Variants in SEZ6L observed in about 807,000 individuals in gnomAD.
SEZ6L encodes seizure 6-like protein.
A neutral mutation model predicts 106.2 loss-of-function variants in SEZ6L; 37 were observed. The observed-to-expected ratio is 0.35, with a 90% CI of 0.27 to 0.46. The LOEUF is 0.46. Among genes scored for constraint, SEZ6L ranks in the 20% least tolerant of loss-of-function variants. The pLI, the probability that SEZ6L is intolerant of heterozygous loss-of-function variation, is 1.00. For missense variants in SEZ6L, 1,172 were observed against 1,332.8 expected (o/e 0.88, Z 1.88); for synonymous variants, 541 against 570.4 (o/e 0.95, Z 0.73).
At chr22:26,248,494 A>T (rs911108285) in intron 1 of SEZ6L, among the ~76,000 whole-genome samples, 2 of 152,150 alleles carry the variant, frequency 1.3e-5, no homozygotes, top group African/African-American at 4.8e-5. Flanking sequence ...ACCTGGGACC[A>T]CCATGCCCAG....
At chr22:26,319,782 A>G (rs2082104928) in intron 9 of SEZ6L, among the ~76,000 whole-genome samples, 2 of 152,282 alleles carry the variant, frequency 1.3e-5, no homozygotes, top group South Asian at 4.1e-4. Flanking sequence ...TGTCTTATTC[A>G]CTGCCGTAAC....
At chr22:26,299,604 G>T (rs1025045073) in intron 5 of SEZ6L, among the ~76,000 whole-genome samples, 1 of 152,128 alleles carries the variant, frequency 6.6e-6, no homozygotes, top group South Asian at 2.1e-4. Context: ...TTCACTTAGC[G>T]CTTGGCACTG....
chr22:26,195,715 G>A (rs970344349), intron 1 of SEZ6L, among the ~76,000 whole-genome samples: 3 of 152,052 alleles, frequency 2.0e-5, no homozygotes, highest in Admixed American at 6.5e-5. Context: ...TAATATGTGT[G>A]TGTATGTATA....
chr22:26,285,183 A>G (rs939666014), intron 1 of SEZ6L, among the ~76,000 whole-genome samples: 1 of 152,154 alleles, frequency 6.6e-6, no homozygotes, highest in South Asian at 2.1e-4. Context: ...TATCCTTCCA[A>G]GTGGACCACA....
intron 1 of SEZ6L, among the ~76,000 whole-genome samples, chr22:26,217,540 T>C (rs1259398702): frequency 1.3e-5 from 2 of 152,226 alleles, no homozygotes; most frequent in African/African-American, 4.8e-5. Context: ...CTCTGTCTCT[T>C]CCTCTGGGGT....
chr22:26,373,316 C>T (rs2084103814), intron 13 of SEZ6L, 135 bp from the exon 14 acceptor site: 6 of 706,792 alleles, frequency 8.5e-6, no homozygotes, highest in Non-Finnish European at 1.2e-5. Context: ...TATAGTGGCC[C>T]AAGATAAGTA....
intron 1 of SEZ6L, among the ~76,000 whole-genome samples, chr22:26,204,466 A>G (rs896065825): frequency 6.6e-6 from 1 of 152,368 alleles, no homozygotes; most frequent in Non-Finnish European, 1.5e-5. Flanking sequence ...TATTACAAAT[A>G]TCACCCCATT....
At chr22:26,311,723 A>G (rs2081838239) in intron 7 of SEZ6L, 45 bp from the exon 8 acceptor site, 1 of 1,525,636 alleles carries the variant, frequency 6.6e-7, no homozygotes, top group Non-Finnish European at 9.1e-7. Context: ...ACCGTGGGGT[A>G]GTCCCTGCAT....
chr22:26,336,967 A>G (rs2082664591), intron 9 of SEZ6L, among the ~76,000 whole-genome samples: 1 of 152,194 alleles, frequency 6.6e-6, no homozygotes, highest in East Asian at 1.9e-4. Context: ...GGTGATGGTA[A>G]CGATGATGAT....
chr22:26,271,328 A>G (rs577432852), intron 1 of SEZ6L, among the ~76,000 whole-genome samples: 1 of 152,366 alleles, frequency 6.6e-6, no homozygotes, highest in Non-Finnish European at 1.5e-5. Context: ...TCTATTAAAT[A>G]CAAAAGTACC....
chr22:26,179,014 G>T (rs1939209758), intron 1 of SEZ6L, among the ~76,000 whole-genome samples: 1 of 152,186 alleles, frequency 6.6e-6, no homozygotes, highest in African/African-American at 2.4e-5. Flanking sequence ...CCCCTCTGCT[G>T]ATGGTATTAG....
intron 13 of SEZ6L, among the ~76,000 whole-genome samples, chr22:26,369,561 C>T (rs567338636): frequency 9.4e-4 from 142 of 151,568 alleles, no homozygotes; most frequent in Non-Finnish European, 1.6e-3. Context: ...AGGATGGTCT[C>T]GATCTCCTGA....
At chr22:26,307,325 G>T (rs998718240) in intron 6 of SEZ6L, among the ~76,000 whole-genome samples, 1 of 152,152 alleles carries the variant, frequency 6.6e-6, no homozygotes, top group Non-Finnish European at 1.5e-5. Context: ...TGAGGGGTAG[G>T]AGAGGGTAGG....
chr22:26,338,833 G>A (rs1399968720), intron 9 of SEZ6L, among the ~76,000 whole-genome samples: 1 of 141,060 alleles, frequency 7.1e-6, no homozygotes, highest in Non-Finnish European at 1.6e-5. Flanking sequence ...TGGGATTATA[G>A]GCGTGAGCCA....
At chr22:26,337,580 C>A (rs2082684762) in intron 9 of SEZ6L, among the ~76,000 whole-genome samples, 1 of 152,172 alleles carries the variant, frequency 6.6e-6, no homozygotes, top group African/African-American at 2.4e-5. Flanking sequence ...AGTAGACTCT[C>A]TGGGAGGCTC....
In SEZ6L at chr22:26,311,947, G is replaced by C. The variant is rs763977367; in HGVS notation, c.1861G>C (p.Glu621Gln). 2 of 1,613,924 alleles carry C rather than the reference G, an allele frequency of 1.2e-6. No homozygotes were observed. The highest frequency in any genetic ancestry group is 1.7e-6 in the Non-Finnish European group (2 of 1,179,978). Residue 621 changes from glutamate to glutamine, a missense_variant, in exon 8 of 17, where the codon GAG becomes CAG. This residue lies in a region of SEZ6L where 534 missense variants were observed against 691.0 expected (regional missense o/e 0.77). Transcript: ENST00000248933. ...NVRDPYWNDT[E>Q]PLCRAMCGGE... ...GCGGGACCCATACTGGAATGACACA[G>C]AGCCCCTGTGCAGAGGTGAGCGGAT...
At chr22:26,307,470 G>C (rs1341203314) in intron 6 of SEZ6L, among the ~76,000 whole-genome samples, 1 of 131,720 alleles carries the variant, frequency 7.6e-6, no homozygotes, top group Non-Finnish European at 1.7e-5. Flanking sequence ...CTTTAGTTTG[G>C]AAAGACTTAA....
intron 5 of SEZ6L, among the ~76,000 whole-genome samples, chr22:26,304,304 A>G (rs2081542738): frequency 6.6e-6 from 1 of 150,838 alleles, no homozygotes. Context: ...GTGAGCTGAG[A>G]TCGTGCCATT....
intron 9 of SEZ6L, among the ~76,000 whole-genome samples, chr22:26,337,565 T>C (rs1488370114): frequency 6.6e-6 from 1 of 152,226 alleles, no homozygotes; most frequent in East Asian, 1.9e-4. Context: ...CTATTTTTGC[T>C]GTCAAGTAGA....
Sources: gnomAD v4.1 joint callset for allele counts (sites outside exome capture counted in the v4.1 genomes callset) on GRCh38, gnomAD v4.1.1 for gene constraint, gnomAD v4.1.1 regional missense constraint, MANE v1.5 for transcripts, NCBI Gene and HGNC (gene_info 2026-07-23, HGNC 2026-07-21) for gene names.